DOCK1: variants seen among roughly 807,000 people sequenced by gnomAD.
The protein encoded by DOCK1 is dedicator of cytokinesis protein 1.
In DOCK1, 138 loss-of-function variants were observed where a neutral mutation model predicts 262.7. The observed-to-expected ratio is 0.53, with a 90% CI of 0.46 to 0.61. The LOEUF is 0.61. Among genes scored for constraint, DOCK1 ranks in the 20% least tolerant of loss-of-function variants. The probability of loss-of-function intolerance (pLI) is 0.00; values close to 1 mark genes in which losing one functional copy is unlikely to be tolerated. For synonymous variants in DOCK1, 866 were observed against 867.4 expected, an observed-to-expected ratio of 1.00 and a Z score of 0.03; for missense variants, 1,908 against 2,370.7, an observed-to-expected ratio of 0.80 and a Z score of 4.05.
intron 29 of DOCK1, among the ~76,000 whole-genome samples, chr10:127,324,828 G>T (rs547836954): frequency 2.2e-4 from 34 of 152,308 alleles, no homozygotes; most frequent in African/African-American, 7.7e-4. Flanking sequence ...CATTTGAGGT[G>T]CTCTGCCTGA....
intron 29 of DOCK1, among the ~76,000 whole-genome samples, chr10:127,269,255 T>C (rs2060478715): frequency 6.6e-6 from 1 of 152,158 alleles, no homozygotes; most frequent in Non-Finnish European, 1.5e-5. Flanking sequence ...ACAAGCCATG[T>C]CTGTGACCCC....
chr10:127,059,089 G>A (rs534338086), intron 22 of DOCK1, among the ~76,000 whole-genome samples: 3 of 152,148 alleles, frequency 2.0e-5, no homozygotes, highest in Admixed American at 2.0e-4. Context: ...ACTCACTATA[G>A]CATTCTAGGT....
chr10:127,325,932 GA>G (rs2062730095), intron 29 of DOCK1, among the ~76,000 whole-genome samples: 1 of 152,144 alleles, frequency 6.6e-6, no homozygotes, highest in East Asian at 1.9e-4. Context: ...AAGTCACACA[GA>G]TTTTTTGGTT....
chr10:127,371,655 A>G (rs2065216246), intron 33 of DOCK1, among the ~76,000 whole-genome samples: 3 of 152,110 alleles, frequency 2.0e-5, no homozygotes, highest in South Asian at 2.1e-4. Context: ...AAATTGAATC[A>G]TGTTTTGATT....
intron 46 of DOCK1, among the ~76,000 whole-genome samples, chr10:127,421,593 T>G (rs7092530): frequency 0.8 from 121,945 of 152,056 alleles, 49,306 homozygotes; most frequent in African/African-American, 0.92. Context: ...ATCTTGCAAA[T>G]CTCCAACTCT....
intron 27 of DOCK1, among the ~76,000 whole-genome samples, chr10:127,160,362 A>AGTT (rs2053493263): frequency 6.6e-6 from 1 of 152,174 alleles, no homozygotes. Flanking sequence ...CTCAATGGAA[A>AGTT]GTTCTCTTCT....
chr10:127,083,032 A>G (rs1034165953), intron 23 of DOCK1, among the ~76,000 whole-genome samples: 1 of 152,068 alleles, frequency 6.6e-6, no homozygotes, highest in African/African-American at 2.4e-5. Context: ...GTTTCTGCAG[A>G]TTTGTCCTGG....
At chr10:127,261,977 TGG>T (rs1289664088) in intron 29 of DOCK1, among the ~76,000 whole-genome samples, 1 of 139,988 alleles carries the variant, frequency 7.1e-6, no homozygotes, top group Non-Finnish European at 1.5e-5. Flanking sequence ...TGTGTGCATG[TGG>T]GTGTGTGTGT....
intron 35 of DOCK1, among the ~76,000 whole-genome samples, chr10:127,377,891 CAAAAAA>C (rs71490127): frequency 0.017 from 1,732 of 104,752 alleles, 18 homozygotes; most frequent in Non-Finnish European, 0.025. Context: ...GACTCTGTCT[CAAAAAA>C]AAAAAAAAAA....
chr10:127,419,877 T>C, intron 46 of DOCK1, 128 bp downstream of exon 46: 1 of 1,013,190 alleles, frequency 9.9e-7, no homozygotes, highest in South Asian at 1.5e-5. Context: ...GCTGTGATTG[T>C]CCCTGGGTGA....
At chr10:127,316,971 A>G (rs2062309750) in intron 29 of DOCK1, among the ~76,000 whole-genome samples, 1 of 152,054 alleles carries the variant, frequency 6.6e-6, no homozygotes. Context: ...ATTCACCCCA[A>G]ACTGTCCACT....
At chr10:126,971,318 A>C (rs1263607231) in intron 2 of DOCK1, among the ~76,000 whole-genome samples, 2 of 151,818 alleles carry the variant, frequency 1.3e-5, no homozygotes, top group Non-Finnish European at 2.9e-5. Context: ...CTCCCAAAGT[A>C]CTGGGATTAC....
At chr10:127,242,641 G>GT (rs1157188641) in intron 27 of DOCK1, among the ~76,000 whole-genome samples, 8 of 151,718 alleles carry the variant, frequency 5.3e-5, no homozygotes, top group South Asian at 2.1e-4. Context: ...TCACCATTAT[G>GT]TTTTTTTTGT....
chr10:127,446,691 C>T lies in DOCK1; in HGVS notation c.5414-703C>T, dbSNP rs182729691. Among the ~76,000 whole-genome samples the T allele has an allele frequency of 6.6e-6, 1 of 152,262 alleles. No individual in the cohort carries two copies. The highest frequency in any genetic ancestry group is 1.9e-4 in the East Asian group (1 of 5,174). On this transcript the variant is annotated intron_variant, in intron 50 of 51. Coordinates refer to ENST00000623213, the MANE Select transcript of DOCK1 (RefSeq NM_001290223.2). This position sits in a 1 kb window ranked among gnomAD's most constrained non-coding sequence, Gnocchi z 4.4. ...TCAGTAAAAATGTCCATTTTTCTCT[C>T]TTTAATATAAAAGAAAACAAATTAT... is the stretch of plus-strand genomic sequence containing the variant.
chr10:127,187,934 C>T (rs1197938984), intron 27 of DOCK1, among the ~76,000 whole-genome samples: 1 of 152,208 alleles, frequency 6.6e-6, no homozygotes, highest in Non-Finnish European at 1.5e-5. Context: ...GAACCACTGG[C>T]CTTCTTCCTT....
chr10:127,418,551 C>A lies in DOCK1; in HGVS notation c.4692+10C>A, dbSNP rs2068296870. The A allele has an allele frequency of 2.5e-6, 4 of 1,609,922 alleles. No homozygotes were observed. Among genetic ancestry groups the A allele is most frequent in the Non-Finnish European group, 2.5e-6 (3 of 1,178,330 alleles). On this transcript the variant is annotated intron_variant, in intron 45 of 51. Transcript: ENST00000623213. ...CGCAAACTACGAAAAGGTACGGGACCCACCAGCTTGCTCTGGGCAAGCAGT... is the reference window on the plus strand; with the variant it reads ...CGCAAACTACGAAAAGGTACGGGACACACCAGCTTGCTCTGGGCAAGCAGT...
chr10:127,148,011 A>G (rs2052073459), intron 27 of DOCK1, among the ~76,000 whole-genome samples: 1 of 144,164 alleles, frequency 6.9e-6, no homozygotes. Context: ...AGCCTGGGCA[A>G]CAGAGTGAGA....
At chr10:127,154,172 T>C (rs1382306999) in intron 27 of DOCK1, among the ~76,000 whole-genome samples, 1 of 152,228 alleles carries the variant, frequency 6.6e-6, no homozygotes, top group Non-Finnish European at 1.5e-5. Flanking sequence ...AAGTAAATAA[T>C]ATGATTTCGT....
At chr10:127,126,986 G>A (rs2133093826) in intron 26 of DOCK1, among the ~76,000 whole-genome samples, 1 of 152,242 alleles carries the variant, frequency 6.6e-6, no homozygotes, top group Non-Finnish European at 1.5e-5. Flanking sequence ...GGTCTTGGAG[G>A]CCTTCACCCA....
Sources: gnomAD v4.1 joint callset for allele counts (sites outside exome capture counted in the v4.1 genomes callset) on GRCh38, gnomAD v4.1.1 for gene constraint, Gnocchi (gnomAD v3.1) non-coding constraint, MANE v1.5 for transcripts, NCBI Gene and HGNC (gene_info 2026-07-23, HGNC 2026-07-21) for gene names.